Variants in CCDC120 observed in about 807,000 individuals in gnomAD.
CCDC120 encodes coiled-coil domain containing 120.
A neutral mutation model predicts 37.6 loss-of-function variants in CCDC120; 16 were observed. That is an observed-to-expected ratio of 0.43 (90% CI 0.29 to 0.65). The LOEUF (loss-of-function observed/expected upper bound fraction) is 0.65. CCDC120 is among the 30% of genes least tolerant of loss of function. CCDC120 has a pLI of 0.18. For missense variants in CCDC120, 650 were observed against 657.4 expected, an observed-to-expected ratio of 0.99 and a Z score of 0.12; for synonymous variants, 309 against 275.4, an observed-to-expected ratio of 1.12 and a Z score of -1.21.
At chrX:49,066,026 C>T (rs1263465595) in intron 9 of CCDC120, among the ~76,000 whole-genome samples, 181 bp downstream of exon 9, 2 of 111,874 alleles carry the variant, frequency 1.8e-5, no homozygotes, top group Non-Finnish European at 3.8e-5. Flanking sequence ...GGTTCAAGAC[C>T]AGCCTGACCA....
intron 4 of CCDC120, among the ~76,000 whole-genome samples, chrX:49,063,193 CA>C (rs781800207): frequency 0.012 from 590 of 47,411 alleles, 4 homozygotes; most frequent in African/African-American, 0.042. Context: ...GACTCTGTCT[CA>C]AAAAAAAAAA....
At chrX:49,055,021 A>C (rs1293913533), upstream of CCDC120, among the ~76,000 whole-genome samples, 2 of 112,155 alleles carry the variant, frequency 1.8e-5, no homozygotes, top group Non-Finnish European at 3.8e-5. Context: ...TCCGAAGTAC[A>C]TCCCAAATGC....
At chrX:49,061,933 C>G in intron 1 of CCDC120, 26 bp from the exon 2 acceptor site, 5 of 1,109,761 alleles carry the variant, frequency 4.5e-6, no homozygotes, top group Middle Eastern at 5.5e-4. Flanking sequence ...TTGGTTGAAT[C>G]TGTCCCATTA....
rs141739022 is a variant in CCDC120 at position 49,065,569 on chromosome X, T to C, written c.903T>C (p.Pro301=). The C allele has an allele frequency of 3.9e-5, 47 of 1,209,198 alleles. No homozygotes were observed. The African/African-American group carries it at 5.4e-4, about 14-fold the overall frequency. ...SPERRTPWKP[P]PSDLYGDLKS... is the part of the protein sequence containing the mutation. Reference sequence around the variant, plus strand: ...AGCGGCGAACCCCATGGAAACCACCTCCATCAGATCTTTATGGGGATCTGA... The same window carrying C: ...AGCGGCGAACCCCATGGAAACCACCCCCATCAGATCTTTATGGGGATCTGA... Residue 301 remains proline (P), a synonymous_variant, in exon 8 of 11, where the codon CCT becomes CCC. Transcript: ENST00000603986.
intron 9 of CCDC120, 65 bp downstream of exon 9, chrX:49,065,910 G>A (rs2064948006): frequency 1.0e-6 from 1 of 1,001,889 alleles, no homozygotes; most frequent in East Asian, 3.4e-5. Context: ...CTCACTGGAA[G>A]CTTGAGGACA....
chrX:49,055,618 T>C (rs782438449), upstream of CCDC120, among the ~76,000 whole-genome samples: 4 of 112,008 alleles, frequency 3.6e-5, no homozygotes, highest in Non-Finnish European at 5.6e-5. Context: ...AATAATGCAG[T>C]GTTCCCCTCA....
At chrX:49,068,230 C>G in intron 10 of CCDC120, 140 bp downstream of exon 10, 2 of 1,098,759 alleles carry the variant, frequency 1.8e-6, no homozygotes, top group Non-Finnish European at 1.2e-6. Flanking sequence ...CAGGGTCACT[C>G]TACTGCACAT....
At position 49,068,037 on chromosome X, in the gene CCDC120, C is replaced by T. The variant is rs782046003; in HGVS notation, c.1923C>T (p.Ser641=). 4 of 1,165,419 alleles carry T rather than the reference C, an allele frequency of 3.4e-6. No homozygotes were observed. In the East Asian group the frequency reaches 9.8e-5, roughly 28 times the overall value. The change falls in exon 10 of 11, where the codon AGC becomes AGT. Residue 641 remains serine, a synonymous_variant. Coordinates refer to ENST00000603986, the MANE Select transcript of CCDC120 (RefSeq NM_001163321.4). ...GCCAGGCGCTGTACGGGGCCCCCAG[C>T]CAGGCGCCACTCCCACACTCGAGGA... The part of the protein sequence containing the change: ...EVGQALYGAP[S]QAPLPHSRSF...
Position 49,062,266 on chromosome X carries a change from A to G in CCDC120, c.95A>G (p.Asp32Gly). ...TLSSHQPRPL[D>G]STKMEVKGQL... ...TCCAGCCATCAGCCACGGCCTCTCGACAGCACCAAGATGGAAGTCAAAGGT... is the reference window on the plus strand; with the variant it reads ...TCCAGCCATCAGCCACGGCCTCTCGGCAGCACCAAGATGGAAGTCAAAGGT... The change falls in exon 3 of 11, where the codon GAC (aspartate) becomes GGC (glycine). Residue 32 changes from aspartate to glycine, a missense_variant. Physicochemically the swap from Asp to Gly is moderately conservative, Grantham distance 94 (BLOSUM62 -1). This residue lies in a region of CCDC120 where 64 missense variants were observed against 65.2 expected (regional missense o/e 0.98). Coordinates refer to ENST00000603986, the MANE Select transcript of CCDC120 (RefSeq NM_001163321.4). 8.3e-7 allele frequency: 1 copy of G among 1,210,655 alleles called. No individual in the cohort carries two copies. Among genetic ancestry groups the G allele is most frequent in the Non-Finnish European group, 1.1e-6 (1 of 895,052 alleles).
chrX:49,064,297 C>A, intron 5 of CCDC120, 73 bp from the exon 6 acceptor site: 1 of 1,054,779 alleles, frequency 9.5e-7, no homozygotes, highest in Non-Finnish European at 1.3e-6. Flanking sequence ...GAAGTGCAGG[C>A]CAGCCTCTAC....
intron 1 of CCDC120, 169 bp from the exon 2 acceptor site, chrX:49,061,790 C>G: frequency 2.0e-6 from 1 of 499,527 alleles, no homozygotes; most frequent in Non-Finnish European, 3.2e-6. Context: ...GTTATTTCAC[C>G]TCTGTGCCTT....
At position 49,067,841 on chromosome X, in the gene CCDC120, G is replaced by T; in HGVS notation, c.1727G>T (p.Arg576Leu). 1 of 654,454 alleles carries T rather than the reference G, an allele frequency of 1.5e-6. No individual in the cohort carries two copies. The highest frequency in any genetic ancestry group is 2.3e-6 in the Non-Finnish European group (1 of 442,970). 53.9% of individuals were successfully genotyped at this position (654,454 alleles called of 1,213,427 possible). The change falls in exon 10 of 11, where the codon CGT becomes CTT. Residue 576 changes from arginine to leucine, a missense_variant. Coordinates refer to ENST00000603986, the MANE Select transcript of CCDC120 (RefSeq NM_001163321.4). ...NPLLWMPPPT[R>L]IPSAGERSGH... ...CTGCTGTGGATGCCCCCACCCACCC[G>T]TATCCCCTCGGCTGGTGAACGCAGT...
At chrX:49,060,169 A>G (rs1456370976) in intron 1 of CCDC120, among the ~76,000 whole-genome samples, 1 of 111,734 alleles carries the variant, frequency 8.9e-6, no homozygotes, top group Non-Finnish European at 1.9e-5. Flanking sequence ...TCACGCATGT[A>G]ATCCCAGCAC....
chrX:49,068,734 TG>T lies in CCDC120; in HGVS notation c.*80del. ...GCACACAGCTGACCTCGCTGGGCCC[TG>T]GGGTGTGGTTGCTCTCAGTCCTGAG... is the stretch of plus-strand genomic sequence containing the variant. On this transcript the variant is annotated 3_prime_UTR_variant, in exon 11 of 11. Transcript: ENST00000603986. 1.0e-6 allele frequency: 1 copy of T among 970,366 alleles called. No individual in the cohort carries two copies. The highest frequency in any genetic ancestry group is 1.3e-6 in the Non-Finnish European group (1 of 754,247). 80.0% of individuals were successfully genotyped at this position (970,366 alleles called of 1,213,427 possible). A position where few individuals can be genotyped will look rare whatever the true frequency, so the allele number is the denominator to read the frequency against.
chrX:49,054,250 C>T (rs1307398263), upstream of CCDC120, among the ~76,000 whole-genome samples: 1 of 111,161 alleles, frequency 9.0e-6, no homozygotes, highest in Non-Finnish European at 1.9e-5. Flanking sequence ...TAATGCCCAA[C>T]ACTGACCCCA....
intron 3 of CCDC120, 58 bp downstream of exon 3, chrX:49,062,383 T>G: frequency 1.7e-6 from 2 of 1,208,521 alleles, no homozygotes; most frequent in East Asian, 3.0e-5. Flanking sequence ...ACCACCTGCT[T>G]GCTCGGGAAG....
At chrX:49,057,661 C>G (rs1225108622), upstream of CCDC120, among the ~76,000 whole-genome samples, 1 of 112,708 alleles carries the variant, frequency 8.9e-6, no homozygotes, top group African/African-American at 3.2e-5. Flanking sequence ...GAGTCTGGGG[C>G]ATTGCTGATT....
upstream of CCDC120, among the ~76,000 whole-genome samples, chrX:49,058,632 A>C (rs185941966): frequency 0.027 from 3,091 of 112,585 alleles, 48 homozygotes; most frequent in Non-Finnish European, 0.043. Context: ...CCTTCTTCCC[A>C]GTTTTCTGCT....
intron 2 of CCDC120, 21 bp from the exon 3 acceptor site, chrX:49,062,214 G>A (rs782141049): frequency 6.7e-6 from 8 of 1,200,170 alleles, no homozygotes; most frequent in Non-Finnish European, 9.0e-6. Context: ...TTCCTTAACG[G>A]CTCCTTTGTG....
Sources: gnomAD v4.1 joint callset for allele counts (sites outside exome capture counted in the v4.1 genomes callset) on GRCh38, gnomAD v4.1.1 for gene constraint, gnomAD v4.1.1 regional missense constraint, MANE v1.5 for transcripts, NCBI Gene and HGNC (gene_info 2026-07-23, HGNC 2026-07-21) for gene names.